Variants in CAST observed in about 807,000 individuals in gnomAD.
CAST encodes calpastatin, also known as MIR583 host.
CAST carries 76 observed loss-of-function variants against 119.6 expected under a neutral mutation model. The ratio of observed to expected loss-of-function variants is 0.64; its 90% CI spans 0.53 to 0.77. CAST has a LOEUF of 0.77. CAST is among the 30% of genes least tolerant of loss of function. CAST has a pLI of 0.00. For synonymous variants in CAST, 319 were observed against 331.6 expected (o/e 0.96, Z 0.41); for missense variants, 953 against 946.5 (o/e 1.01, Z -0.09).
the CAST span, among the ~76,000 whole-genome samples, chr5:96,151,692 T>C: frequency 6.6e-6 from 1 of 152,140 alleles, no homozygotes; most frequent in East Asian, 1.9e-4. Context: ...TGTATAAGGT[T>C]TATGTGAACA....
chr5:96,660,904 T>C (rs1748339653), upstream of CAST, among the ~76,000 whole-genome samples: 1 of 151,722 alleles, frequency 6.6e-6, no homozygotes. Context: ...CAGTGCTACC[T>C]GTTTGTTGAA....
the CAST span, among the ~76,000 whole-genome samples, chr5:96,299,471 G>A: frequency 1.3e-5 from 2 of 152,162 alleles, no homozygotes; most frequent in Non-Finnish European, 2.9e-5. Flanking sequence ...CACAGTGTTA[G>A]AAAATATCAC....
At chr5:96,347,287 G>T in the CAST span, among the ~76,000 whole-genome samples, 1 of 152,024 alleles carries the variant, frequency 6.6e-6, no homozygotes, top group East Asian at 1.9e-4. Flanking sequence ...CATTCCTATG[G>T]GTCCATGAAC....
At chr5:96,636,696 AT>A (rs1457209153) in intron 1 of CAST, among the ~76,000 whole-genome samples, 1 of 152,242 alleles carries the variant, frequency 6.6e-6, no homozygotes, top group Non-Finnish European at 1.5e-5. Context: ...GTTGAGTAGC[AT>A]TTGGAATCGC....
the CAST span, among the ~76,000 whole-genome samples, chr5:96,175,010 A>T: frequency 3.3e-3 from 510 of 152,304 alleles, 2 homozygotes; most frequent in Middle Eastern, 0.014. Flanking sequence ...TAGATTTTCT[A>T]ATATATATGA....
chr5:96,757,692 T>G lies in CAST; in HGVS notation c.1833+38T>G, dbSNP rs1581316173. ...CTCTTGGTTTTATTTCTTTAGTTTTTTTTTTTTTTTTCCTTTGAGATGGAG... is the reference window on the plus strand; with the variant it reads ...CTCTTGGTTTTATTTCTTTAGTTTTGTTTTTTTTTTTCCTTTGAGATGGAG... On this transcript the variant is annotated intron_variant, in intron 24 of 31. Coordinates refer to ENST00000675179, the MANE Select transcript of CAST (RefSeq NM_001750.7). 7 of 1,414,068 alleles carry G rather than the reference T, an allele frequency of 5.0e-6. No individual in the cohort carries two copies. The East Asian group carries it at 1.6e-4, about 32-fold the overall frequency. The allele number at this position is 1,414,068 out of a possible 1,614,324, so 87.6% of individuals were successfully genotyped here. A position where few individuals can be genotyped will look rare whatever the true frequency, so the allele number is the denominator to read the frequency against.
chr5:96,743,672 A>T (rs1403417756), intron 16 of CAST: 1 of 1,613,534 alleles, frequency 6.2e-7, no homozygotes, highest in Admixed American at 1.7e-5. Flanking sequence ...CTCACCGGCC[A>T]CAGTGTGGCA....
intron 3 of CAST, among the ~76,000 whole-genome samples, chr5:96,721,924 T>C (rs891981461): frequency 6.6e-6 from 1 of 152,178 alleles, no homozygotes; most frequent in Non-Finnish European, 1.5e-5. Flanking sequence ...AGGAAGAGCC[T>C]AGATGAGACA....
At chr5:96,008,964 C>A in the CAST span, among the ~76,000 whole-genome samples, 1 of 152,052 alleles carries the variant, frequency 6.6e-6, no homozygotes, top group Admixed American at 6.6e-5. Context: ...CAAACCATGC[C>A]CCACCCCGCC....
chr5:96,411,148 A>C, the CAST span, among the ~76,000 whole-genome samples: 1 of 152,222 alleles, frequency 6.6e-6, no homozygotes, highest in Non-Finnish European at 1.5e-5. Context: ...TGGAAATCTC[A>C]CAAGGCTGTG....
rs1312265001 is a variant in CAST, at chr5:96,741,480, A to T, written c.1012-14A>T. 1.3e-6 allele frequency: 2 copies of T among 1,599,044 alleles called. No individual in the cohort carries two copies. Among genetic ancestry groups the T allele is most frequent in the African/African-American group, 2.7e-5 (2 of 74,600 alleles). On this transcript the variant is annotated splice_polypyrimidine_tract_variant and intron_variant, in intron 14 of 31. Coordinates refer to ENST00000675179, the MANE Select transcript of CAST (RefSeq NM_001750.7). ...CTCATCTGTAAGTCTAATCTTTTGT[A>T]TTTTGTTTTTCAGGAATCTACAGAA...
At chr5:96,489,204 C>T in the CAST span, among the ~76,000 whole-genome samples, 12 of 127,836 alleles carry the variant, frequency 9.4e-5, no homozygotes, top group African/African-American at 3.4e-4. Context: ...TGTTTTTTGA[C>T]GTGTAGATTT....
the CAST span, among the ~76,000 whole-genome samples, chr5:96,340,388 T>C: frequency 6.6e-6 from 1 of 150,900 alleles, no homozygotes; most frequent in Non-Finnish European, 1.5e-5. Flanking sequence ...CATGGTTAAC[T>C]TGTTTTTCAT....
the CAST span, among the ~76,000 whole-genome samples, chr5:96,445,693 G>A: frequency 6.6e-6 from 1 of 152,054 alleles, no homozygotes; most frequent in Admixed American, 6.5e-5. Flanking sequence ...AATTTCCTCA[G>A]TCTTGTGCAT....
At chr5:96,481,910 A>C in the CAST span, among the ~76,000 whole-genome samples, 1 of 152,164 alleles carries the variant, frequency 6.6e-6, no homozygotes, top group African/African-American at 2.4e-5. Flanking sequence ...TGGATCTATA[A>C]AACATTATTA....
chr5:96,433,233 G>T, the CAST span: 1 of 631,584 alleles, frequency 1.6e-6, no homozygotes, highest in Non-Finnish European at 2.8e-6. Context: ...GAAGCGCTTC[G>T]GTCTCCAGGC....
the CAST span, among the ~76,000 whole-genome samples, chr5:96,217,860 T>C: frequency 2.6e-5 from 4 of 152,200 alleles, no homozygotes; most frequent in Admixed American, 2.6e-4. Flanking sequence ...TTGCTGTGAA[T>C]GTTCTTTCCT....
chr5:96,425,304 T>C, the CAST span, among the ~76,000 whole-genome samples: 3 of 152,250 alleles, frequency 2.0e-5, no homozygotes, highest in Non-Finnish European at 2.9e-5. Flanking sequence ...ATTTGGTAAC[T>C]ATCTTAAAGG....
chr5:96,029,941 G>T, the CAST span, among the ~76,000 whole-genome samples: 1 of 152,032 alleles, frequency 6.6e-6, no homozygotes, highest in African/African-American at 2.4e-5. Context: ...ATAAAACTCT[G>T]TAATAATTTT....
Sources: gnomAD v4.1 joint callset for allele counts (sites outside exome capture counted in the v4.1 genomes callset) on GRCh38, gnomAD v4.1.1 for gene constraint, MANE v1.5 for transcripts, NCBI Gene and HGNC (gene_info 2026-07-23, HGNC 2026-07-21) for gene names.